Variants in CDCP1 observed in about 807,000 individuals in gnomAD.
CDCP1 encodes the protein CUB domain containing protein 1.
CDCP1 carries 29 observed loss-of-function variants against 60.2 expected under a neutral mutation model. The ratio of observed to expected loss-of-function variants is 0.48; its 90% CI spans 0.36 to 0.66. The LOEUF is 0.66. Among genes scored for constraint, CDCP1 ranks in the 30% least tolerant of loss-of-function variants. The probability of loss-of-function intolerance (pLI) is 0.00; values close to 1 mark genes in which losing one functional copy is unlikely to be tolerated. For missense variants in CDCP1, 876 were observed against 1,074.3 expected, an observed-to-expected ratio of 0.82 and a Z score of 2.58; for synonymous variants, 387 against 431.1, an observed-to-expected ratio of 0.90 and a Z score of 1.27.
intron 1 of CDCP1, among the ~76,000 whole-genome samples, chr3:45,135,514 T>C (rs10490812): frequency 0.17 from 25,427 of 152,198 alleles, 2,328 homozygotes; most frequent in African/African-American, 0.23. Flanking sequence ...CTTGCTCTTG[T>C]AGGTGATCTC....
At chr3:45,138,133 A>G (rs1347959421) in intron 1 of CDCP1, among the ~76,000 whole-genome samples, 1 of 152,234 alleles carries the variant, frequency 6.6e-6, no homozygotes, top group Non-Finnish European at 1.5e-5. Flanking sequence ...AGTTGTTATA[A>G]AACTGGTCCA....
intron 7 of CDCP1, among the ~76,000 whole-genome samples, chr3:45,089,476 T>C (rs1057071185): frequency 4.6e-5 from 7 of 152,084 alleles, no homozygotes; most frequent in African/African-American, 1.7e-4. Context: ...AAGCTAGCCA[T>C]GTAGAGATTC....
intron 4 of CDCP1, among the ~76,000 whole-genome samples, chr3:45,104,975 G>A (rs991906287): frequency 3.3e-5 from 5 of 152,220 alleles, no homozygotes; most frequent in African/African-American, 1.2e-4. Flanking sequence ...TTGAACCCAG[G>A]AGGCGGAGGT....
Position 45,091,115 on chromosome 3 carries a change from T to C in CDCP1, c.1993+58A>G, listed in dbSNP as rs996891060. Reference sequence around the variant, plus strand: ...GACTTGTCTCCAGGCTTGCTCTCTATCCTCCAGCTGACAATTTTTTGTTCA... The same window carrying C: ...GACTTGTCTCCAGGCTTGCTCTCTACCCTCCAGCTGACAATTTTTTGTTCA... On this transcript the variant is annotated intron_variant, in intron 7 of 8. Transcript: ENST00000296129. The surrounding 1 kb of genome is among the most constrained non-coding windows in gnomAD (Gnocchi z 4.8). The C allele has an allele frequency of 1.7e-5, 27 of 1,554,620 alleles. No individual in the cohort carries two copies. The highest frequency in any genetic ancestry group is 7.8e-6 in the Non-Finnish European group (9 of 1,150,078).
At chr3:45,111,423 C>A (rs1033407286) in intron 3 of CDCP1, among the ~76,000 whole-genome samples, 1 of 152,176 alleles carries the variant, frequency 6.6e-6, no homozygotes, top group Admixed American at 6.5e-5. Flanking sequence ...TGCCTGTAAT[C>A]CCAGCACTTT....
intron 1 of CDCP1, among the ~76,000 whole-genome samples, chr3:45,141,636 A>G (rs1307830734): frequency 1.6e-4 from 25 of 152,184 alleles, no homozygotes; most frequent in Admixed American, 1.6e-3. Flanking sequence ...AGTAGTTAAT[A>G]CTTTTAAAGA....
intron 7 of CDCP1, among the ~76,000 whole-genome samples, chr3:45,090,197 AC>A (rs1318974125): frequency 6.6e-6 from 1 of 151,552 alleles, no homozygotes; most frequent in African/African-American, 2.4e-5. Context: ...AATCACTCTG[AC>A]CCCCAGAAAG....
intron 5 of CDCP1, among the ~76,000 whole-genome samples, chr3:45,094,055 T>C (rs539386176): frequency 6.6e-6 from 1 of 152,086 alleles, no homozygotes; most frequent in Non-Finnish European, 1.5e-5. Context: ...GTGAGTGGCG[T>C]TGGGGAGATG....
intron 5 of CDCP1, among the ~76,000 whole-genome samples, chr3:45,094,666 G>A (rs1180082444): frequency 6.8e-6 from 1 of 148,132 alleles, no homozygotes; most frequent in Non-Finnish European, 1.5e-5. Context: ...TCACAGTCTT[G>A]TGTGAGAGAA....
intron 1 of CDCP1, among the ~76,000 whole-genome samples, chr3:45,130,985 G>A (rs1421456995): frequency 6.6e-6 from 1 of 152,052 alleles, no homozygotes; most frequent in Non-Finnish European, 1.5e-5. Context: ...GCCCACCTCA[G>A]CCTCCTGAGT....
Position 45,093,720 on chromosome 3 carries a change from C to A in CDCP1, c.1247-63G>T, listed in dbSNP as rs1440833584. 4 of 1,539,148 alleles carry A rather than the reference C, an allele frequency of 2.6e-6. No homozygotes were observed. In the Admixed American group the frequency reaches 5.7e-5, roughly 22 times the overall value. On this transcript the variant is annotated intron_variant, in intron 5 of 8. Transcript: ENST00000296129. ...GACCAGAAGTGCACCCTCCCCAGCT[C>A]TCCCGTCAGCCTGAGGTTGGGTGTC... is the stretch of plus-strand genomic sequence containing the variant.
chr3:45,125,900 C>T (rs1212207350), intron 1 of CDCP1, among the ~76,000 whole-genome samples: 1 of 152,322 alleles, frequency 6.6e-6, no homozygotes, highest in Non-Finnish European at 1.5e-5. Flanking sequence ...CATGTGACTC[C>T]AGCACCCTCA....
intron 4 of CDCP1, among the ~76,000 whole-genome samples, chr3:45,101,140 C>T (rs1416248342): frequency 6.6e-6 from 1 of 152,196 alleles, no homozygotes; most frequent in Non-Finnish European, 1.5e-5. Context: ...TGAGGCTTCT[C>T]TCAGAAGTGG....
intron 1 of CDCP1, among the ~76,000 whole-genome samples, chr3:45,119,059 G>C (rs1430338580): frequency 1.3e-5 from 2 of 152,052 alleles, no homozygotes; most frequent in African/African-American, 2.4e-5. Context: ...CTTGCCCTGG[G>C]TGCTTTATAT....
chr3:45,126,781 C>T (rs1158625310), intron 1 of CDCP1, among the ~76,000 whole-genome samples: 1 of 152,136 alleles, frequency 6.6e-6, no homozygotes, highest in African/African-American at 2.4e-5. Context: ...TAGGCAGCCC[C>T]GTGCATATGT....
rs369156080 is a variant in CDCP1, at chr3:45,113,569, T to C, written c.293-1124A>G. On this transcript the variant is annotated intron_variant, in intron 2 of 8. Coordinates refer to ENST00000296129, the MANE Select transcript of CDCP1 (RefSeq NM_022842.5). ...ATTTGAAAGTATTGTCCACTCAAAA[T>C]AGAATTATGGAGAATTTCAGATCAG... Among the ~76,000 whole-genome samples, 396 of 152,298 alleles carry C rather than the reference T, an allele frequency of 2.6e-3. 2 individuals are homozygous for C. The highest frequency in any genetic ancestry group is 3.4e-3 in the Non-Finnish European group (229 of 68,010).
chr3:45,085,769 G>A lies in CDCP1; in HGVS notation c.2380C>T (p.Pro794Ser). 6.2e-7 allele frequency: 1 copy of A among 1,614,164 alleles called. No homozygotes were observed. ...PTAKLATEEP[P>S]PRSPPESESE... is the part of the protein sequence containing the mutation. ...TCAGACTCAGGAGGGGAGCGAGGAG[G>A]TGGCTCCTCAGTGGCCAACTTTGCA... The change falls in exon 9 of 9, where the codon CCT becomes TCT. Residue 794 changes from proline (P) to serine (S), a missense_variant. By Grantham distance (74) the Pro-to-Ser change is moderately conservative (BLOSUM62 -1). This residue lies in a region of CDCP1 where 726 missense variants were observed against 935.7 expected (regional missense o/e 0.78). Coordinates refer to ENST00000296129, the MANE Select transcript of CDCP1 (RefSeq NM_022842.5). The surrounding 1 kb of genome is among the most constrained non-coding windows in gnomAD (Gnocchi z 4.2).
At chr3:45,140,187 A>T (rs1699264813) in intron 1 of CDCP1, among the ~76,000 whole-genome samples, 1 of 152,226 alleles carries the variant, frequency 6.6e-6, no homozygotes, top group African/African-American at 2.4e-5. Context: ...GATGCCAAGG[A>T]AGTAGGCAGA....
intron 8 of CDCP1, among the ~76,000 whole-genome samples, chr3:45,086,948 C>T (rs995404723): frequency 2.6e-5 from 4 of 152,234 alleles, no homozygotes; most frequent in African/African-American, 9.6e-5. Context: ...TAATGGTGGA[C>T]AGGCTGTCTG....
Sources: allele counts gnomAD v4.1 joint callset (sites outside exome capture counted in the v4.1 genomes callset), GRCh38; gene constraint gnomAD v4.1.1; regional missense constraint gnomAD v4.1.1; non-coding constraint Gnocchi (gnomAD v3.1); transcripts MANE v1.5; gene names NCBI Gene and HGNC (gene_info 2026-07-23, HGNC 2026-07-21).